RCAN2: variants seen among roughly 807,000 people sequenced by gnomAD.
RCAN2 encodes the protein regulator of calcineurin 2.
In RCAN2, 9 loss-of-function variants were observed where a neutral mutation model predicts 23.6. That is an observed-to-expected ratio of 0.38 (90% CI 0.23 to 0.67). The LOEUF (loss-of-function observed/expected upper bound fraction) is 0.67. RCAN2 is among the 30% of genes least tolerant of loss of function. RCAN2 has a pLI of 0.51. For missense variants in RCAN2, 273 were observed against 302.3 expected, an observed-to-expected ratio of 0.90 and a Z score of 0.72; for synonymous variants, 109 against 115.7, an observed-to-expected ratio of 0.94 and a Z score of 0.37.
At chr6:46,386,579 GC>G (rs1470324261) in intron 2 of RCAN2, among the ~76,000 whole-genome samples, 2 of 132,954 alleles carry the variant, frequency 1.5e-5, no homozygotes, top group African/African-American at 5.4e-5. Context: ...CTGTACCCCA[GC>G]CTGGGTGACA....
At chr6:46,470,832 T>C (rs914442211) in intron 1 of RCAN2, among the ~76,000 whole-genome samples, 1 of 152,242 alleles carries the variant, frequency 6.6e-6, no homozygotes, top group African/African-American at 2.4e-5. Flanking sequence ...GGTTTGCCCA[T>C]GGCTTAGATG....
intron 2 of RCAN2, among the ~76,000 whole-genome samples, chr6:46,429,510 T>C (rs1447750451): frequency 1.3e-5 from 2 of 152,142 alleles, no homozygotes; most frequent in African/African-American, 4.8e-5. Flanking sequence ...AGAAGGAAAA[T>C]ATTATCTTGA....
At chr6:46,443,609 G>C (rs1219711499) in intron 2 of RCAN2, among the ~76,000 whole-genome samples, 2 of 151,688 alleles carry the variant, frequency 1.3e-5, no homozygotes, top group African/African-American at 2.4e-5. Context: ...TATTCACTCG[G>C]CTTGCTAAAT....
rs1416581705 is a variant in RCAN2, at chr6:46,398,841, T to G, written c.225+57911A>C. 2.6e-5 allele frequency among the ~76,000 whole-genome samples: 4 copies of G among 151,968 alleles called. No individual in the cohort carries two copies. The East Asian group carries it at 7.7e-4, about 29-fold the overall frequency. On this transcript the variant is annotated intron_variant, in intron 2 of 4. Transcript: ENST00000371374. ...AGCATCTTCAGTCATTCCATATTAA[T>G]GGGTGCATTATAGTGTTTATTTATA...
chr6:46,478,667 C>A (rs774579076), intron 1 of RCAN2, among the ~76,000 whole-genome samples: 1 of 152,136 alleles, frequency 6.6e-6, no homozygotes, highest in Non-Finnish European at 1.5e-5. Context: ...TAAGCAACAC[C>A]GAAGAACTAA....
intron 2 of RCAN2, among the ~76,000 whole-genome samples, chr6:46,327,333 C>G (rs757264807): frequency 6.6e-6 from 1 of 151,246 alleles, no homozygotes; most frequent in African/African-American, 2.5e-5. Flanking sequence ...CCTTGAAATA[C>G]GGGAAAGATA....
chr6:46,394,376 A>G (rs936439198), intron 2 of RCAN2, among the ~76,000 whole-genome samples: 8 of 152,124 alleles, frequency 5.3e-5, no homozygotes, highest in Non-Finnish European at 5.9e-5. Context: ...ATTACTTTTC[A>G]TTACTGCCTA....
chr6:46,326,327 A>G (rs1210028390), intron 2 of RCAN2, among the ~76,000 whole-genome samples: 1 of 152,214 alleles, frequency 6.6e-6, no homozygotes, highest in East Asian at 1.9e-4. Flanking sequence ...GTTACAGCAA[A>G]TATTTCACAC....
rs369099740 is a variant in RCAN2, at chr6:46,336,270, T to C, written c.226-87374A>G. On this transcript the variant is annotated intron_variant, in intron 2 of 4. Coordinates refer to ENST00000371374, the MANE Select transcript of RCAN2 (RefSeq NM_001251974.2). ...GTAGCAATGAGCACTGCTGGTGACA[T>C]TGTAGAAATATAAGAGAACTCAGTG... Among the ~76,000 whole-genome samples, 38 of 152,256 alleles carry C rather than the reference T, an allele frequency of 2.5e-4. 1 individual carries two copies. The South Asian group carries it at 5.2e-3, about 21-fold the overall frequency.
intron 1 of RCAN2, among the ~76,000 whole-genome samples, chr6:46,473,010 C>A (rs562964809): frequency 6.6e-6 from 1 of 152,270 alleles, no homozygotes; most frequent in African/African-American, 2.4e-5. Flanking sequence ...CCAAATCTTG[C>A]TTTCCAGATA....
intron 2 of RCAN2, among the ~76,000 whole-genome samples, chr6:46,287,402 C>G (rs759173225): frequency 5.3e-5 from 8 of 152,244 alleles, no homozygotes; most frequent in Non-Finnish European, 1.2e-4. Flanking sequence ...ATGGATCACA[C>G]AGGCCCCTGC....
chr6:46,469,471 A>T (rs1445462090), intron 1 of RCAN2, among the ~76,000 whole-genome samples: 2 of 152,208 alleles, frequency 1.3e-5, no homozygotes, highest in Non-Finnish European at 2.9e-5. Flanking sequence ...AGCAAAGGGT[A>T]GTAAGATTTC....
chr6:46,243,084 C>T (rs1766362852), intron 4 of RCAN2, among the ~76,000 whole-genome samples: 1 of 152,146 alleles, frequency 6.6e-6, no homozygotes, highest in Admixed American at 6.5e-5. Flanking sequence ...AACCTCTTGC[C>T]TTGGCACCTG....
At chr6:46,377,148 G>A (rs892988669) in intron 2 of RCAN2, among the ~76,000 whole-genome samples, 1 of 152,154 alleles carries the variant, frequency 6.6e-6, no homozygotes, top group Non-Finnish European at 1.5e-5. Flanking sequence ...GTGGTGGAAT[G>A]GACATTCTCT....
At chr6:46,390,790 T>A (rs975946447) in intron 2 of RCAN2, among the ~76,000 whole-genome samples, 2 of 152,342 alleles carry the variant, frequency 1.3e-5, no homozygotes, top group African/African-American at 4.8e-5. Context: ...ATGAGAGCCA[T>A]TTTTGAAGTA....
intron 2 of RCAN2, among the ~76,000 whole-genome samples, chr6:46,314,612 G>A (rs994161326): frequency 6.6e-6 from 1 of 152,024 alleles, no homozygotes; most frequent in African/African-American, 2.4e-5. Flanking sequence ...GAAGGTCAAT[G>A]TTGTAAATAT....
At chr6:46,299,095 A>G (rs1762824363) in intron 2 of RCAN2, among the ~76,000 whole-genome samples, 1 of 152,028 alleles carries the variant, frequency 6.6e-6, no homozygotes, top group African/African-American at 2.4e-5. Flanking sequence ...GACACTGGGG[A>G]CTGCTTGTGG....
intron 2 of RCAN2, among the ~76,000 whole-genome samples, chr6:46,428,977 T>C (rs1055828206): frequency 1.3e-5 from 2 of 152,212 alleles, no homozygotes; most frequent in Admixed American, 6.5e-5. Context: ...AAAACAGGAA[T>C]GTAAATATGT....
At chr6:46,280,655 G>C (rs541561653) in intron 2 of RCAN2, among the ~76,000 whole-genome samples, 9 of 152,194 alleles carry the variant, frequency 5.9e-5, no homozygotes, top group Non-Finnish European at 8.8e-5. Flanking sequence ...TGAAGCCTTG[G>C]AGAATACTGC....
Sources: allele counts gnomAD v4.1 joint callset (sites outside exome capture counted in the v4.1 genomes callset), GRCh38; gene constraint gnomAD v4.1.1; transcripts MANE v1.5; gene names NCBI Gene and HGNC (gene_info 2026-07-23, HGNC 2026-07-21).